EPHX3: variants seen among roughly 807,000 people sequenced by gnomAD.
EPHX3 encodes the protein epoxide hydrolase 3.
EPHX3 carries 39 observed loss-of-function variants against 40.2 expected under a neutral mutation model. The ratio of observed to expected loss-of-function variants is 0.97; its 90% confidence interval spans 0.75 to 1.27. The LOEUF (loss-of-function observed/expected upper bound fraction) is 1.27. Ranked by LOEUF, EPHX3 falls within the 50% of genes most tolerant of loss-of-function variation. The pLI is 0.00. For synonymous variants in EPHX3, 213 were observed against 209.7 expected (o/e 1.02, Z -0.14); for missense variants, 442 against 474.0 (o/e 0.93, Z 0.63).
Position 15,231,987 on chromosome 19 carries a change from G to T in EPHX3, c.225C>A (p.His75Gln). ...ACLSDPSLGEHGFLNLKSSGL... is the reference protein window; with the variant it reads ...ACLSDPSLGEQGFLNLKSSGL... The stretch of plus-strand genomic sequence containing the variant: ...CGATCACCTTGAGGTTCAGGAAACC[G>T]TGCTCACCCAGCGAGGGGTCGCTCA... The change falls in exon 1 of 7, where the codon CAC becomes CAA. Residue 75 changes from histidine (H) to glutamine (Q), a missense_variant. Transcript: ENST00000221730. The T allele has an allele frequency of 6.2e-7, 1 of 1,610,498 alleles. No individual in the cohort carries two copies. Among genetic ancestry groups the T allele is most frequent in the South Asian group, 1.1e-5 (1 of 91,036 alleles).
At chr19:15,235,135 G>C (rs567312885), upstream of EPHX3, among the ~76,000 whole-genome samples, 1 of 152,000 alleles carries the variant, frequency 6.6e-6, no homozygotes, top group Non-Finnish European at 1.5e-5. Context: ...CGGAGTAGCC[G>C]GGACTACAGG....
chr19:15,232,137 C>T lies in EPHX3; in HGVS notation c.75G>A (p.Trp25Ter). The change falls in exon 1 of 7, where the codon TGG becomes TGA. Residue 25 changes from tryptophan (W) to a stop codon, truncating the protein, a stop_gained. Transcript: ENST00000221730. LOFTEE classifies it high-confidence loss of function. Reference protein sequence around the residue: ...LSLKLLRAFMWSLVFSVALVA... With the variant: ...LSLKLLRAFM ...CCAGCGCCACCGAGAACACCAGGCT[C>T]CACATGAAGGCGCGCAGCAGCTTCA... 6.5e-7 allele frequency: 1 copy of T among 1,538,554 alleles called. No individual in the cohort carries two copies. The highest frequency in any genetic ancestry group is 8.7e-7 in the Non-Finnish European group (1 of 1,149,598).
upstream of EPHX3, chr19:15,232,918 A>T (rs2047165720): frequency 6.6e-6 from 1 of 151,558 alleles, no homozygotes; most frequent in Non-Finnish European, 1.5e-5. Context: ...GCCCAGACAA[A>T]CCTTAAGGAG....
At chr19:15,236,303 G>A (rs2047191546), upstream of EPHX3, 1 of 152,222 alleles carries the variant, frequency 6.6e-6, no homozygotes. Context: ...ACATACACAA[G>A]TGGACACACA....
At chr19:15,233,319 C>G (rs1326972269), upstream of EPHX3, 1 of 152,500 alleles carries the variant, frequency 6.6e-6, no homozygotes, top group Non-Finnish European at 1.5e-5. Context: ...CTTCGGGAGG[C>G]CCGGCCGACG....
upstream of EPHX3, among the ~76,000 whole-genome samples, chr19:15,234,637 C>T (rs1339535707): frequency 2.6e-5 from 4 of 152,218 alleles, no homozygotes; most frequent in Non-Finnish European, 4.4e-5. Context: ...TGACATCAGC[C>T]ACTGACTTGC....
intron 1 of EPHX3, 24 bp from the exon 2 acceptor site, chr19:15,231,885 G>C (rs770499992): frequency 1.9e-6 from 3 of 1,613,426 alleles, no homozygotes; most frequent in Non-Finnish European, 2.5e-6. Context: ...ACAGCCTGAA[G>C]CCTGGGGAAC....
chr19:15,234,376 A>C (rs553790724), upstream of EPHX3, among the ~76,000 whole-genome samples: 21 of 151,968 alleles, frequency 1.4e-4, no homozygotes, highest in Admixed American at 1.4e-3. Flanking sequence ...TTTCAGATGG[A>C]GTTTCGATCA....
At position 15,232,236 on chromosome 19, in the gene EPHX3, G is replaced by T. The variant is rs1287692662; in HGVS notation, c.-25C>A. On this transcript the variant is annotated 5_prime_UTR_variant, in exon 1 of 7. Transcript: ENST00000221730. ...TGTCGCCGCGCTCCGGGACCACGGC[G>T]GCGCTGCCGGCCAGGGGCACCTGCA... 7 of 1,464,660 alleles carry T rather than the reference G, an allele frequency of 4.8e-6. No individual in the cohort carries two copies. The highest frequency in any genetic ancestry group is 6.3e-6 in the Non-Finnish European group (7 of 1,119,872). 90.7% of individuals were successfully genotyped at this position (1,464,660 alleles called of 1,614,324 possible). A position where few individuals can be genotyped will look rare whatever the true frequency, so the allele number is the denominator to read the frequency against.
upstream of EPHX3, among the ~76,000 whole-genome samples, chr19:15,234,192 T>C (rs1320435288): frequency 6.6e-6 from 1 of 152,124 alleles, no homozygotes; most frequent in African/African-American, 2.4e-5. Flanking sequence ...ATAATCACAT[T>C]CCTGTAGTAT....
rs1289069278 is a variant in EPHX3, at chr19:15,231,047, G to A, written c.531C>T (p.Leu177=). The A allele has an allele frequency of 1.2e-6, 2 of 1,614,030 alleles. No homozygotes were observed. The highest frequency in any genetic ancestry group is 1.7e-6 in the Non-Finnish European group (2 of 1,180,038). Residue 177 remains leucine (L), a synonymous_variant, in exon 4 of 7, where the codon CTC becomes CTT. Coordinates refer to ENST00000221730, the MANE Select transcript of EPHX3 (RefSeq NM_024794.3). ...AGTAGATGGAGAAATGCCAGGCAAG[G>A]AGGGCACCCCAGTCATGGGCCACAA... ...CILVAHDWGA[L]LAWHFSIYYP...
In EPHX3 at chr19:15,231,881, T is replaced by G; in HGVS notation, c.244-20A>C. On this transcript the variant is annotated intron_variant, in intron 1 of 6. Coordinates refer to ENST00000221730, the MANE Select transcript of EPHX3 (RefSeq NM_024794.3). ...CGAGCTCTAGGGGGAGGGCACAGCC[T>G]GAAGCCTGGGGAACCCTCTCTCCCG... 6.2e-7 allele frequency: 1 copy of G among 1,613,434 alleles called. No individual in the cohort carries two copies. The highest frequency in any genetic ancestry group is 2.2e-5 in the East Asian group (1 of 44,860).
chr19:15,232,330 G>A lies in EPHX3; in HGVS notation c.-119C>T, dbSNP rs2047162242. 1 of 1,376,642 alleles carries A rather than the reference G, an allele frequency of 7.3e-7. No homozygotes were observed. The highest frequency in any genetic ancestry group is 1.5e-5 in the African/African-American group (1 of 64,914). 85.3% of individuals were successfully genotyped at this position (1,376,642 alleles called of 1,614,324 possible). On this transcript the variant is annotated 5_prime_UTR_variant, in exon 1 of 7. Transcript: ENST00000221730. ...GGCCTGGGGCCCCTCCGTGCCGTCGGGATTTGTGGGACGCGCTGAAGGAAG... is the reference window on the plus strand; with the variant it reads ...GGCCTGGGGCCCCTCCGTGCCGTCGAGATTTGTGGGACGCGCTGAAGGAAG...
In EPHX3 at chr19:15,232,005, G is replaced by A; in HGVS notation, c.207C>T (p.Asp69=). ...GGAAACCGTGCTCACCCAGCGAGGG[G>A]TCGCTCAGGCAGGCGGGGGACGCGC... The part of the protein sequence containing the change: ...RRSASPACLS[D]PSLGEHGFLN... The change falls in exon 1 of 7, where the codon GAC becomes GAT. Residue 69 remains aspartate, a synonymous_variant. Coordinates refer to ENST00000221730, the MANE Select transcript of EPHX3 (RefSeq NM_024794.3). 1 of 1,606,844 alleles carries A rather than the reference G, an allele frequency of 6.2e-7. No individual in the cohort carries two copies. The highest frequency in any genetic ancestry group is 8.5e-7 in the Non-Finnish European group (1 of 1,179,232).
Position 15,231,087 on chromosome 19 carries a change from T to G in EPHX3, c.491A>C (p.Tyr164Ser). 2 of 1,613,816 alleles carry G rather than the reference T, an allele frequency of 1.2e-6. No homozygotes were observed. The highest frequency in any genetic ancestry group is 1.7e-6 in the Non-Finnish European group (2 of 1,179,926). Residue 164 changes from tyrosine to serine, a missense_variant, in exon 4 of 7, where the codon TAC (tyrosine) becomes TCC (serine). Coordinates refer to ENST00000221730, the MANE Select transcript of EPHX3 (RefSeq NM_024794.3). ...ATGGGCCACAAGGATGCACTTCGAG[T>G]AACCTGTGGGAATTCAAGGAGCTCG... Reference protein sequence around the residue: ...DIKDVILGLGYSKCILVAHDW... With the variant: ...DIKDVILGLGSSKCILVAHDW...
intron 4 of EPHX3, among the ~76,000 whole-genome samples, chr19:15,230,362 G>C (rs148290166): frequency 0.011 from 1,719 of 151,848 alleles, 29 homozygotes; most frequent in South Asian, 0.053. Context: ...GTAGAGACGG[G>C]GTTTCACCAT....
upstream of EPHX3, chr19:15,232,450 G>C: frequency 7.5e-7 from 1 of 1,341,008 alleles, no homozygotes; most frequent in Non-Finnish European, 9.5e-7. Context: ...AACAAGGGTA[G>C]GGTGCGGAGG....
In EPHX3 at chr19:15,227,425, CA is replaced by C; in HGVS notation, c.*11del. ...GAGTATCCATGCCTCCTGGGCAGGC[CA>C]GCAAGGACCACTAGTCCAGCAGGTC... On this transcript the variant is annotated 3_prime_UTR_variant, in exon 7 of 7. Coordinates refer to ENST00000221730, the MANE Select transcript of EPHX3 (RefSeq NM_024794.3). 6.2e-7 allele frequency: 1 copy of C among 1,610,792 alleles called. No homozygotes were observed. Among genetic ancestry groups the C allele is most frequent in the South Asian group, 1.1e-5 (1 of 91,000 alleles).
At position 15,227,665 on chromosome 19, in the gene EPHX3, G is replaced by A; in HGVS notation, c.858-3C>T. On this transcript the variant is annotated splice_polypyrimidine_tract_variant and splice_region_variant and intron_variant, in intron 6 of 6. Coordinates refer to ENST00000221730, the MANE Select transcript of EPHX3 (RefSeq NM_024794.3). ...CCTGGGGTTCCAGGGGGAAGTTCCT[G>A]TGGCCAGGACAGACAGACAGGCAGA... 6.2e-7 allele frequency: 1 copy of A among 1,614,012 alleles called. No individual in the cohort carries two copies. Among genetic ancestry groups the A allele is most frequent in the Non-Finnish European group, 8.5e-7 (1 of 1,179,958 alleles).
Sources: allele counts gnomAD v4.1 joint callset (sites outside exome capture counted in the v4.1 genomes callset), GRCh38; gene constraint gnomAD v4.1.1; transcripts MANE v1.5; gene names NCBI Gene and HGNC (gene_info 2026-07-23, HGNC 2026-07-21).